UBE2E1: variants seen among roughly 807,000 people sequenced by gnomAD.
UBE2E1 encodes the protein ubiquitin conjugating enzyme E2 E1.
In UBE2E1, 6 loss-of-function variants were observed where a neutral mutation model predicts 21.4. The ratio of observed to expected loss-of-function variants is 0.28; its 90% confidence interval spans 0.15 to 0.55. The LOEUF (loss-of-function observed/expected upper bound fraction) is 0.55. Ranked by LOEUF, UBE2E1 falls within the 20% of genes least tolerant of loss-of-function variation. The pLI is 0.93. For missense variants in UBE2E1, 142 were observed against 236.5 expected (o/e 0.60, Z 2.62); for synonymous variants, 87 against 82.7 (o/e 1.05, Z -0.28).
intron 3 of UBE2E1, chr3:23,879,449 GAAGGCCGACTGGACAGGA>G: frequency 2.4e-6 from 1 of 423,014 alleles, no homozygotes; most frequent in Non-Finnish European, 4.8e-6. Context: ...AGACTGAAAT[GAAGGCCGACTGGACAGGA>G]TAGAAGTGTG....
intron 3 of UBE2E1, among the ~76,000 whole-genome samples, chr3:23,820,349 G>T (rs1199624014): frequency 6.6e-6 from 1 of 152,182 alleles, no homozygotes; most frequent in Non-Finnish European, 1.5e-5. Flanking sequence ...TTTGCTGTAT[G>T]CTAATGGCTC....
intron 3 of UBE2E1, among the ~76,000 whole-genome samples, chr3:23,831,663 C>T (rs1014655529): frequency 1.3e-5 from 2 of 149,778 alleles, no homozygotes; most frequent in Non-Finnish European, 3.0e-5. Context: ...GGACTACAGG[C>T]ACGTGCTACC....
intron 3 of UBE2E1, among the ~76,000 whole-genome samples, chr3:23,827,250 A>C (rs955781096): frequency 1.3e-5 from 2 of 152,198 alleles, no homozygotes; most frequent in Non-Finnish European, 2.9e-5. Context: ...GTAATTCTAA[A>C]ATGATATGAA....
At position 23,887,439 on chromosome 3, in the gene UBE2E1, T is replaced by A; in HGVS notation, c.204-128T>A. 1 of 1,288,708 alleles carries A rather than the reference T, an allele frequency of 7.8e-7. No individual in the cohort carries two copies. The highest frequency in any genetic ancestry group is 1.0e-6 in the Non-Finnish European group (1 of 966,906). 79.8% of individuals were successfully genotyped at this position (1,288,708 alleles called of 1,614,324 possible). On this transcript the variant is annotated intron_variant, in intron 3 of 5. Transcript: ENST00000306627. The surrounding 1 kb of genome is among the most constrained non-coding windows in gnomAD (Gnocchi z 4.4). ...GCAGTTCTGCATCCGTTTCTGTACT[T>A]GTTTTGTAAAGAGAATCCACACAGT...
rs1251332906 is a variant in UBE2E1, at chr3:23,810,667, C to T, written c.153-793C>T. Reference sequence around the variant, plus strand: ...CGGGGGTGTTCGCGCCCTGCTTTCGCGCGCGGTCTCGGGCCAAGGTTCTGG... The same window carrying T: ...CGGGGGTGTTCGCGCCCTGCTTTCGTGCGCGGTCTCGGGCCAAGGTTCTGG... On this transcript the variant is annotated intron_variant, in intron 2 of 5. Coordinates refer to ENST00000306627, the MANE Select transcript of UBE2E1 (RefSeq NM_003341.5). This position sits in a 1 kb window ranked among gnomAD's most constrained non-coding sequence, Gnocchi z 5.8. 2.5e-6 allele frequency: 2 copies of T among 787,960 alleles called. No individual in the cohort carries two copies. Among genetic ancestry groups the T allele is most frequent in the Non-Finnish European group, 3.8e-6 (2 of 529,518 alleles). 48.8% of individuals were successfully genotyped at this position (787,960 alleles called of 1,614,324 possible). A position where few individuals can be genotyped will look rare whatever the true frequency, so the allele number is the denominator to read the frequency against.
chr3:23,887,503 T>C lies in UBE2E1; in HGVS notation c.204-64T>C, dbSNP rs1701215921. 1.3e-6 allele frequency: 2 copies of C among 1,557,798 alleles called. No individual in the cohort carries two copies. Among genetic ancestry groups the C allele is most frequent in the African/African-American group, 1.4e-5 (1 of 72,848 alleles). ...GAGAGAGGTAATCTTTCCATCTCTT[T>C]TAATACACTGTAAAAATTGGGATAG... On this transcript the variant is annotated intron_variant, in intron 3 of 5. Transcript: ENST00000306627. The surrounding 1 kb of genome is among the most constrained non-coding windows in gnomAD (Gnocchi z 4.4).
At chr3:23,827,394 T>C (rs1214595517) in intron 3 of UBE2E1, among the ~76,000 whole-genome samples, 1 of 152,240 alleles carries the variant, frequency 6.6e-6, no homozygotes, top group East Asian at 1.9e-4. Context: ...TAGTTTCTTT[T>C]TGCTTCACAC....
rs1347850454 is a variant in UBE2E1 at position 23,806,744 on chromosome 3, T to G, written c.-33-493T>G. The G allele has an allele frequency of 7.3e-6, 1 of 137,034 alleles. No individual in the cohort carries two copies. The highest frequency in any genetic ancestry group is 2.4e-4 in the East Asian group (1 of 4,128). 8.5% of individuals were successfully genotyped at this position (137,034 alleles called of 1,614,324 possible). ...CCCGCCTCCGTCCCCCTGTTTCGGC[T>G]TCCTCTCTTACTCCTTCCCGCCCCT... is the stretch of plus-strand genomic sequence containing the variant. On this transcript the variant is annotated intron_variant, in intron 1 of 5. Transcript: ENST00000306627. This position sits in a 1 kb window ranked among gnomAD's most constrained non-coding sequence, Gnocchi z 6.5.
chr3:23,839,401 T>C (rs561065899), intron 3 of UBE2E1, among the ~76,000 whole-genome samples: 1 of 152,020 alleles, frequency 6.6e-6, no homozygotes, highest in African/African-American at 2.4e-5. Context: ...GAGGCAGAGG[T>C]TGCAGTGAGC....
intron 3 of UBE2E1, among the ~76,000 whole-genome samples, chr3:23,832,435 G>A (rs1967375): frequency 0.46 from 70,403 of 151,878 alleles, 16,392 homozygotes; most frequent in African/African-American, 0.5. Context: ...ACCTGAGCTC[G>A]GGAGTTTGAG....
At position 23,890,491 on chromosome 3, in the gene UBE2E1, T is replaced by C. The variant is rs1701378721; in HGVS notation, c.485-18T>C. 1 of 1,606,294 alleles carries C rather than the reference T, an allele frequency of 6.2e-7. No individual in the cohort carries two copies. The highest frequency in any genetic ancestry group is 8.5e-7 in the Non-Finnish European group (1 of 1,176,904). ...TTCTTTTCCTTTCTCCAAAGTAATCTACATTCTTTTCTTCCAGCCGACCCC... is the reference window on the plus strand; with the variant it reads ...TTCTTTTCCTTTCTCCAAAGTAATCCACATTCTTTTCTTCCAGCCGACCCC... On this transcript the variant is annotated intron_variant, in intron 5 of 5. Coordinates refer to ENST00000306627, the MANE Select transcript of UBE2E1 (RefSeq NM_003341.5).
At position 23,842,198 on chromosome 3, in the gene UBE2E1, G is replaced by GTGTGTGTGTGTGT. The variant is rs1553637705; in HGVS notation, c.203+30688_203+30689insTGTGTGTGTGTGT. The stretch of plus-strand genomic sequence containing the variant: ...TATGTCATGACCCAGTAAGTGAAGG[G>GTGTGTGTGTGTGT]GTGTGTGTGTGTGTGTGTGTGTGTG... On this transcript the variant is annotated intron_variant, in intron 3 of 5. Coordinates refer to ENST00000306627, the MANE Select transcript of UBE2E1 (RefSeq NM_003341.5). The surrounding 1 kb of genome is among the most constrained non-coding windows in gnomAD (Gnocchi z 4.6). Among the ~76,000 whole-genome samples, 1,450 of 104,348 alleles carry GTGTGTGTGTGTGT rather than the reference G, an allele frequency of 0.014. 78 individuals are homozygous for GTGTGTGTGTGTGT. The highest frequency in any genetic ancestry group is 0.023 in the Middle Eastern group (4 of 174). The allele number at this position is 104,348 out of a possible 152,430, so 68.5% of individuals were successfully genotyped here.
rs1022048855 is a variant in UBE2E1, at chr3:23,810,584, G to A, written c.153-876G>A. The A allele has an allele frequency of 3.4e-6, 5 of 1,485,362 alleles. No individual in the cohort carries two copies. The highest frequency in any genetic ancestry group is 2.8e-5 in the African/African-American group (2 of 71,508). 92.0% of individuals were successfully genotyped at this position (1,485,362 alleles called of 1,614,324 possible). On this transcript the variant is annotated intron_variant, in intron 2 of 5. Coordinates refer to ENST00000306627, the MANE Select transcript of UBE2E1 (RefSeq NM_003341.5). The surrounding 1 kb of genome is among the most constrained non-coding windows in gnomAD (Gnocchi z 5.8). ...AGCGTGCGGGGCGGAGGCAGGGTCC[G>A]GTGCACCTGTGCGGCCGCGGGCCGG...
rs1055444616 is a variant in UBE2E1 at position 23,887,010 on chromosome 3, GA to G, written c.204-553del. 6.6e-6 allele frequency among the ~76,000 whole-genome samples: 1 copy of G among 152,186 alleles called. No individual in the cohort carries two copies. Among genetic ancestry groups the G allele is most frequent in the African/African-American group, 2.4e-5 (1 of 41,446 alleles). On this transcript the variant is annotated intron_variant, in intron 3 of 5. Transcript: ENST00000306627. This position sits in a 1 kb window ranked among gnomAD's most constrained non-coding sequence, Gnocchi z 4.4. ...CCAATTATAGAATACACATTGAAAT[GA>G]AAATTGAATAACCTGTAACTGGATA...
rs1443510925 is a variant in UBE2E1, at chr3:23,876,593, A to G, written c.204-10974A>G. Among the ~76,000 whole-genome samples the G allele has an allele frequency of 6.6e-6, 1 of 152,010 alleles. No homozygotes were observed. Among genetic ancestry groups the G allele is most frequent in the Non-Finnish European group, 1.5e-5 (1 of 67,990 alleles). ...AGATGTAATTGGATTTTTTTTTCAT[A>G]TAAGCATTTTGTAAATTCAGTTTTG... is the stretch of plus-strand genomic sequence containing the variant. On this transcript the variant is annotated intron_variant, in intron 3 of 5. Transcript: ENST00000306627. The surrounding 1 kb of genome is among the most constrained non-coding windows in gnomAD (Gnocchi z 4.3).
Position 23,889,138 on chromosome 3 carries a change from T to C in UBE2E1, c.363T>C (p.His121=), listed in dbSNP as rs1361786238. ...PKVTFRTRIY[H]CNINSQGVIC... is the part of the protein sequence containing the mutation. ...TTACATTTCGGACAAGAATCTATCA[T>C]TGTAATATTAACAGTCAAGGTGTTA... The change falls in exon 5 of 6, where the codon CAT becomes CAC. Residue 121 remains histidine, a synonymous_variant. Transcript: ENST00000306627. 2.4e-5 allele frequency: 39 copies of C among 1,605,076 alleles called. No individual in the cohort carries two copies. Among genetic ancestry groups the C allele is most frequent in the Non-Finnish European group, 3.1e-5 (37 of 1,177,496 alleles).
At chr3:23,884,099 TTA>T (rs1701120195) in intron 3 of UBE2E1, among the ~76,000 whole-genome samples, 1 of 152,176 alleles carries the variant, frequency 6.6e-6, no homozygotes. Context: ...TATTGCACCT[TTA>T]TTCTCCAGTT....
chr3:23,859,473 A>G (rs1324256801), intron 3 of UBE2E1, among the ~76,000 whole-genome samples: 2 of 152,174 alleles, frequency 1.3e-5, no homozygotes, highest in Non-Finnish European at 1.5e-5. Context: ...ACCCATATCT[A>G]TCTGCTTACC....
chr3:23,866,670 A>G (rs1700664421), intron 3 of UBE2E1, among the ~76,000 whole-genome samples: 2 of 35,596 alleles, frequency 5.6e-5, no homozygotes, highest in Non-Finnish European at 1.3e-4. Flanking sequence ...GAGTTGTCAC[A>G]TTATTATCGA....
Sources: gnomAD v4.1 joint callset for allele counts (sites outside exome capture counted in the v4.1 genomes callset) on GRCh38, gnomAD v4.1.1 for gene constraint, Gnocchi (gnomAD v3.1) non-coding constraint, MANE v1.5 for transcripts, NCBI Gene and HGNC (gene_info 2026-07-23, HGNC 2026-07-21) for gene names.